The following ARHGAP45 variants were observed in gnomAD, a reference collection of about 807,000 sequenced individuals.
The protein encoded by ARHGAP45 is Rho GTPase activating protein 45.
Under a neutral mutation model 116.1 loss-of-function variants are expected in ARHGAP45, and 56 were observed. That is an observed-to-expected ratio of 0.48 (90% confidence interval 0.39 to 0.60). The LOEUF is 0.60. Among genes scored for constraint, ARHGAP45 ranks in the 20% least tolerant of loss-of-function variants. The pLI is 0.00. For synonymous variants in ARHGAP45, 866 were observed against 701.7 expected (o/e 1.23, Z -3.70); for missense variants, 1,622 against 1,601.0 (o/e 1.01, Z -0.22).
chr19:1,067,335 C>A lies in ARHGAP45; in HGVS notation c.-71C>A. On this transcript the variant is annotated 5_prime_UTR_variant, in exon 1 of 23. Transcript: ENST00000313093. ...GGCCGGCGACAATGTGGTCCCGAAG[C>A]GGCCAGCGCCGGGAGCTGCAGCGCT... is the stretch of plus-strand genomic sequence containing the variant. The A allele has an allele frequency of 8.2e-6, 12 of 1,462,304 alleles. No individual in the cohort carries two copies. Among genetic ancestry groups the A allele is most frequent in the Non-Finnish European group, 1.1e-5 (12 of 1,109,314 alleles). 90.6% of individuals were successfully genotyped at this position (1,462,304 alleles called of 1,614,324 possible). A position where few individuals can be genotyped will look rare whatever the true frequency, so the allele number is the denominator to read the frequency against.
At chr19:1,079,907 G>C (rs774971659) in intron 12 of ARHGAP45, 21 bp from the exon 13 acceptor site, 7 of 1,600,120 alleles carry the variant, frequency 4.4e-6, no homozygotes, top group Non-Finnish European at 6.0e-6. Context: ...TGACCCCTCC[G>C]CTCTCCGGTG....
chr19:1,084,314 C>T lies in ARHGAP45; in HGVS notation c.3032C>T (p.Pro1011Leu), dbSNP rs1568486425. The change falls in exon 22 of 23, where the codon CCG becomes CTG. Residue 1011 changes from proline (P) to leucine (L), a missense_variant. Physicochemically the swap from Pro to Leu is moderately conservative, Grantham distance 98. Coordinates refer to ENST00000313093, the MANE Select transcript of ARHGAP45 (RefSeq NM_012292.5). ...YLEAGEAVVY[P>L]LQEAAADGCR... ...GAGGCGGGCGAGGCGGTGGTCTACC[C>T]GCTGCAGGAGGCGGCGGCGGACGGG... is the stretch of plus-strand genomic sequence containing the variant. 6.2e-6 allele frequency: 10 copies of T among 1,611,502 alleles called. No homozygotes were observed. Among genetic ancestry groups the T allele is most frequent in the Non-Finnish European group, 8.5e-6 (10 of 1,178,940 alleles).
In ARHGAP45 at chr19:1,082,855, A is replaced by T. The variant is rs766585789; in HGVS notation, c.2533A>T (p.Ile845Phe). The T allele has an allele frequency of 3.9e-6, 6 of 1,532,232 alleles. No individual in the cohort carries two copies. The highest frequency in any genetic ancestry group is 5.3e-6 in the Non-Finnish European group (6 of 1,139,820). The allele number at this position is 1,532,232 out of a possible 1,614,324, so 94.9% of individuals were successfully genotyped here. ...CTCTGCGCAGCTTCCCGAGCCGCTC[A>T]TCTCCTTCCGCCTCTACCACGAGCT... Reference protein sequence around the residue: ...LYLRQLPEPLISFRLYHELVG... With the variant: ...LYLRQLPEPLFSFRLYHELVG... Residue 845 changes from isoleucine (I) to phenylalanine (F), a missense_variant, in exon 20 of 23, where the codon ATC (isoleucine) becomes TTC (phenylalanine). Ile to Phe is a conservative substitution (Grantham distance 21). Coordinates refer to ENST00000313093, the MANE Select transcript of ARHGAP45 (RefSeq NM_012292.5).
chr19:1,083,769 T>TC (rs2043517296), intron 21 of ARHGAP45, among the ~76,000 whole-genome samples: 2 of 152,162 alleles, frequency 1.3e-5, no homozygotes, highest in African/African-American at 4.8e-5. Context: ...AGTTGTAGTT[T>TC]CGCTCCTGCT....
chr19:1,074,718 C>A lies in ARHGAP45; in HGVS notation c.1098C>A (p.Phe366Leu). ...QAVGTLQTQTFMQPLTLRRLE... is the reference protein window; with the variant it reads ...QAVGTLQTQTLMQPLTLRRLE... ...TGGGCACCTTGCAGACCCAGACCTT[C>A]ATGCAGGTGCGTGGTGCCCGGGAGG... The change falls in exon 9 of 23, where the codon TTC (phenylalanine) becomes TTA (leucine). Residue 366 changes from phenylalanine to leucine, a missense_variant. Transcript: ENST00000313093. 1 of 1,607,546 alleles carries A rather than the reference C, an allele frequency of 6.2e-7. No individual in the cohort carries two copies. The highest frequency in any genetic ancestry group is 1.3e-5 in the African/African-American group (1 of 74,966).
At chr19:1,066,150 C>T (rs904497558), upstream of ARHGAP45, 5 of 1,535,410 alleles carry the variant, frequency 3.3e-6, no homozygotes, top group African/African-American at 4.1e-5. Flanking sequence ...AGAGATCTGC[C>T]CCTCCCACCC....
chr19:1,080,380 G>C lies in ARHGAP45; in HGVS notation c.1828+1G>C. The stretch of plus-strand genomic sequence containing the variant: ...GGCACACCTGCCAAGGACCACAGGG[G>C]TGAGTGTCCGGCGGGGCCCAGGGGC... On this transcript the variant is annotated splice_donor_variant, in intron 14 of 22. Transcript: ENST00000313093. LOFTEE classifies it high-confidence loss of function. The C allele has an allele frequency of 6.2e-7, 1 of 1,607,848 alleles. No homozygotes were observed. Among genetic ancestry groups the C allele is most frequent in the Non-Finnish European group, 8.5e-7 (1 of 1,178,940 alleles).
In ARHGAP45 at chr19:1,081,305, C is replaced by T. The variant is rs924904358; in HGVS notation, c.2190+241C>T. ...GGGTGAAGAGTCCTGGGGCTGTGGC[C>T]AGAAGACCTGGAGGGCAAAGGCCCT... On this transcript the variant is annotated intron_variant, in intron 17 of 22. Coordinates refer to ENST00000313093, the MANE Select transcript of ARHGAP45 (RefSeq NM_012292.5). 10 of 641,726 alleles carry T rather than the reference C, an allele frequency of 1.6e-5. No homozygotes were observed. The African/African-American group carries it at 1.6e-4, about 11-fold the overall frequency. 39.8% of individuals were successfully genotyped at this position (641,726 alleles called of 1,614,324 possible).
chr19:1,073,698 A>G lies in ARHGAP45; in HGVS notation c.675A>G (p.Glu225=). Residue 225 remains glutamate, a synonymous_variant, in exon 5 of 23, where the codon GAA becomes GAG. Transcript: ENST00000313093. ...GAGTGTCCGAGTTCCTCATGGGTGA[A>G]GTGGACAGCAGCACCCTCCTAGCAG... is the stretch of plus-strand genomic sequence containing the variant. ...SSTVSEFLMG[E]VDSSTLLAVP... 1 of 1,605,368 alleles carries G rather than the reference A, an allele frequency of 6.2e-7. No homozygotes were observed. The highest frequency in any genetic ancestry group is 8.5e-7 in the Non-Finnish European group (1 of 1,175,694).
chr19:1,084,908 C>T (rs188615141), intron 22 of ARHGAP45, among the ~76,000 whole-genome samples: 34 of 152,270 alleles, frequency 2.2e-4, no homozygotes, highest in African/African-American at 5.8e-4. Context: ...ATGGTGAAAT[C>T]CCATCTCTAC....
chr19:1,080,931 T>G lies in ARHGAP45; in HGVS notation c.2057T>G (p.Val686Gly). The G allele has an allele frequency of 6.2e-7, 1 of 1,609,492 alleles. No individual in the cohort carries two copies. The highest frequency in any genetic ancestry group is 1.1e-5 in the South Asian group (1 of 90,732). ...NGMTPELPVA[V>G]PSGPFRHEGL... ...ATGACCCCCGAGCTGCCGGTGGCCGTGCCCAGTGGACCGTTCCGCCACGAG... is the reference window on the plus strand; with the variant it reads ...ATGACCCCCGAGCTGCCGGTGGCCGGGCCCAGTGGACCGTTCCGCCACGAG... Residue 686 changes from valine (V) to glycine (G), a missense_variant, in exon 17 of 23, where the codon GTG becomes GGG. Coordinates refer to ENST00000313093, the MANE Select transcript of ARHGAP45 (RefSeq NM_012292.5).
rs186039791 is a variant in ARHGAP45 at position 1,083,128 on chromosome 19, C to T, written c.2745-15C>T. On this transcript the variant is annotated splice_polypyrimidine_tract_variant and intron_variant, in intron 20 of 22. Coordinates refer to ENST00000313093, the MANE Select transcript of ARHGAP45 (RefSeq NM_012292.5). ...CCGGGAGCCGCTCAGCACCTGGCCC[C>T]TGCCCACCCCGCAGGATCGTGGAGG... 4.8e-4 allele frequency: 775 copies of T among 1,598,050 alleles called. 3 individuals carry two copies. The African/African-American group carries it at 9.0e-3, about 18-fold the overall frequency.
At chr19:1,067,565 C>T (rs1434020763) in intron 1 of ARHGAP45, 70 bp downstream of exon 1, 1 of 1,410,074 alleles carries the variant, frequency 7.1e-7, no homozygotes, top group African/African-American at 1.4e-5. Flanking sequence ...GCCCTGTGCT[C>T]GGGGCTCATG....
intron 22 of ARHGAP45, among the ~76,000 whole-genome samples, chr19:1,085,334 C>T (rs371829102): frequency 4.1e-4 from 63 of 152,280 alleles, no homozygotes; most frequent in African/African-American, 1.3e-3. Context: ...ATTCAACCAT[C>T]CTCCACCAGC....
chr19:1,078,196 T>A (rs1301409923), intron 11 of ARHGAP45, 151 bp downstream of exon 11: 9 of 1,309,308 alleles, frequency 6.9e-6, no homozygotes, highest in Non-Finnish European at 9.2e-6. Context: ...CAGGCTGGAG[T>A]GCAGTGGCAC....
At chr19:1,078,420 G>A (rs1002773763) in intron 11 of ARHGAP45, among the ~76,000 whole-genome samples, 2 of 150,782 alleles carry the variant, frequency 1.3e-5, no homozygotes, top group Non-Finnish European at 3.0e-5. Flanking sequence ...TGGGATTATA[G>A]GCATGAGCCA....
Position 1,079,837 on chromosome 19 carries a change from G to A in ARHGAP45, c.1509G>A (p.Lys503=), listed in dbSNP as rs781499174. 3.7e-6 allele frequency: 6 copies of A among 1,605,198 alleles called. No individual in the cohort carries two copies. The African/African-American group carries it at 8.0e-5, about 21-fold the overall frequency. ...EVIRQSDQTI[K]SATISYYQMM... is the part of the protein sequence containing the mutation. ...TCCGGCAGAGCGACCAAACCATCAA[G>A]TCGGTGCGTGGGGTGCTCCGGCCGC... The change falls in exon 12 of 23, where the codon AAG becomes AAA. Residue 503 remains lysine (K), a synonymous_variant. Transcript: ENST00000313093.
rs1464095710 is a variant in ARHGAP45 at position 1,071,207 on chromosome 19, G to A, written c.422-1942G>A. 7.8e-6 allele frequency: 11 copies of A among 1,415,540 alleles called. No individual in the cohort carries two copies. Among genetic ancestry groups the A allele is most frequent in the Non-Finnish European group, 1.0e-5 (11 of 1,087,230 alleles). The allele number at this position is 1,415,540 out of a possible 1,614,324, so 87.7% of individuals were successfully genotyped here. A position where few individuals can be genotyped will look rare whatever the true frequency, so the allele number is the denominator to read the frequency against. On this transcript the variant is annotated intron_variant, in intron 2 of 22. Coordinates refer to ENST00000313093, the MANE Select transcript of ARHGAP45 (RefSeq NM_012292.5). This position sits in a 1 kb window ranked among gnomAD's most constrained non-coding sequence, Gnocchi z 4.6. Reference sequence around the variant, plus strand: ...GGGCGGGGCCTCCTGACCGGCCGGAGCCGGTTTGGCCACCGGAGACCCCCA... The same window carrying A: ...GGGCGGGGCCTCCTGACCGGCCGGAACCGGTTTGGCCACCGGAGACCCCCA...
Position 1,074,899 on chromosome 19 carries a change from GC to G in ARHGAP45, c.1185+21del. 1 of 1,462,352 alleles carries G rather than the reference GC, an allele frequency of 6.8e-7. No homozygotes were observed. Among genetic ancestry groups the G allele is most frequent in the Non-Finnish European group, 9.2e-7 (1 of 1,086,970 alleles). The allele number at this position is 1,462,352 out of a possible 1,614,324, so 90.6% of individuals were successfully genotyped here. A position where few individuals can be genotyped will look rare whatever the true frequency, so the allele number is the denominator to read the frequency against. On this transcript the variant is annotated intron_variant, in intron 10 of 22. Transcript: ENST00000313093. ...AAGCTGGTGAGGCGGGCGGGCGGGGGCGGGCGGGGGCGGGCAGCGGGCCTCG... is the reference window on the plus strand; with the variant it reads ...AAGCTGGTGAGGCGGGCGGGCGGGGGGGGCGGGGGCGGGCAGCGGGCCTCG...
Sources: allele counts gnomAD v4.1 joint callset (sites outside exome capture counted in the v4.1 genomes callset), GRCh38; gene constraint gnomAD v4.1.1; non-coding constraint Gnocchi (gnomAD v3.1); transcripts MANE v1.5; gene names NCBI Gene and HGNC (gene_info 2026-07-23, HGNC 2026-07-21).